Variants in PLD5 observed in about 807,000 individuals in gnomAD.
PLD5 encodes the protein inactive phospholipase D5.
PLD5 carries 36 observed loss-of-function variants against 61.1 expected under a neutral mutation model. The observed-to-expected ratio is 0.59, with a 90% confidence interval of 0.45 to 0.78. The LOEUF (loss-of-function observed/expected upper bound fraction) is 0.78, where lower values mean the gene tolerates loss of function less well. Among genes scored for constraint, PLD5 ranks in the 30% least tolerant of loss-of-function variants. The pLI is 0.00. For missense variants in PLD5, 515 were observed against 644.4 expected, an observed-to-expected ratio of 0.80 and a Z score of 2.17; for synonymous variants, 243 against 242.8, an observed-to-expected ratio of 1.00 and a Z score of -0.01.
chr1:242,405,407 C>T (rs575767876), intron 1 of PLD5, among the ~76,000 whole-genome samples: 3 of 152,132 alleles, frequency 2.0e-5, no homozygotes, highest in African/African-American at 7.2e-5. Flanking sequence ...TGCTGCTCAT[C>T]ATCCTACAAT....
At chr1:242,096,619 A>T (rs1459958019) in intron 9 of PLD5, among the ~76,000 whole-genome samples, 2 of 150,122 alleles carry the variant, frequency 1.3e-5, no homozygotes. Flanking sequence ...TGGGATTACA[A>T]GGGTGAGCCA....
At chr1:242,527,627 C>G (rs1669478950), upstream of PLD5, among the ~76,000 whole-genome samples, 1 of 152,144 alleles carries the variant, frequency 6.6e-6, no homozygotes, top group South Asian at 2.1e-4. Flanking sequence ...TTCAAATAAA[C>G]CTGGGCGCAG....
chr1:242,289,599 C>T (rs542558261), intron 2 of PLD5, among the ~76,000 whole-genome samples: 1 of 152,242 alleles, frequency 6.6e-6, no homozygotes, highest in South Asian at 2.1e-4. Context: ...ATGATCCCCC[C>T]CTGCCTTGGC....
At chr1:242,189,445 C>CA (rs58476673) in intron 5 of PLD5, among the ~76,000 whole-genome samples, 1,327 of 69,862 alleles carry the variant, frequency 0.019, 13 homozygotes, top group East Asian at 0.027. Flanking sequence ...GACTCCATCT[C>CA]AAAAAAAAAA....
At chr1:242,196,542 A>C (rs1347770617) in intron 5 of PLD5, among the ~76,000 whole-genome samples, 1 of 152,226 alleles carries the variant, frequency 6.6e-6, no homozygotes, top group Non-Finnish European at 1.5e-5. Flanking sequence ...CACACACACA[A>C]AATGTATATA....
intron 5 of PLD5, among the ~76,000 whole-genome samples, chr1:242,178,639 G>T (rs192712733): frequency 6.6e-6 from 1 of 152,140 alleles, no homozygotes; most frequent in East Asian, 1.9e-4. Context: ...CTACAAATGC[G>T]TTAATTAACA....
At chr1:242,512,585 TA>T (rs1207005517) in intron 1 of PLD5, among the ~76,000 whole-genome samples, 9 of 152,278 alleles carry the variant, frequency 5.9e-5, no homozygotes, top group African/African-American at 1.9e-4. Flanking sequence ...AGGAAAAATT[TA>T]AAAAGTTAAT....
chr1:242,289,986 T>G (rs1365924621), intron 2 of PLD5, among the ~76,000 whole-genome samples: 3 of 149,850 alleles, frequency 2.0e-5, no homozygotes, highest in Non-Finnish European at 4.4e-5. Flanking sequence ...AGTTTTGGAG[T>G]CCAATCAGCC....
intron 1 of PLD5, chr1:242,377,178 G>C: frequency 6.2e-7 from 1 of 1,611,640 alleles, no homozygotes; most frequent in Non-Finnish European, 8.5e-7. Flanking sequence ...TCTGGAGAGA[G>C]AGACGTGAGA....
At chr1:242,434,233 T>C (rs530032920) in intron 1 of PLD5, among the ~76,000 whole-genome samples, 3 of 152,356 alleles carry the variant, frequency 2.0e-5, no homozygotes, top group African/African-American at 4.8e-5. Context: ...GGTCAGTTTC[T>C]GGATACCTCA....
intron 5 of PLD5, among the ~76,000 whole-genome samples, chr1:242,158,429 G>A (rs2148836239): frequency 6.6e-6 from 1 of 152,182 alleles, no homozygotes; most frequent in Non-Finnish European, 1.5e-5. Context: ...TGAAACCCAG[G>A]GCCCTGGTGG....
At chr1:242,459,704 G>A (rs148820371) in intron 1 of PLD5, among the ~76,000 whole-genome samples, 24 of 152,320 alleles carry the variant, frequency 1.6e-4, no homozygotes, top group African/African-American at 5.1e-4. Context: ...CCAACAGCGC[G>A]TGATGTGCTT....
rs1662304083 is a variant in PLD5, at chr1:242,120,802, C to T, written c.933+3666G>A. On this transcript the variant is annotated intron_variant, in intron 6 of 9. Coordinates refer to ENST00000536534, the MANE Select transcript of PLD5 (RefSeq NM_001372062.1). Reference sequence around the variant, plus strand: ...AGACAGAAACAGCCAACTATTGTTCCCATCCTCCAATTTCAATGGGAAATG... The same window carrying T: ...AGACAGAAACAGCCAACTATTGTTCTCATCCTCCAATTTCAATGGGAAATG... Among the ~76,000 whole-genome samples, 2 of 152,158 alleles carry T rather than the reference C, an allele frequency of 1.3e-5. 1 individual carries two copies.
chr1:242,355,704 A>AT (rs1310612055), intron 1 of PLD5, among the ~76,000 whole-genome samples: 2 of 151,604 alleles, frequency 1.3e-5, no homozygotes, highest in East Asian at 1.9e-4. Flanking sequence ...TATTTGAAAT[A>AT]TTTTTTCTTT....
At chr1:242,475,774 C>A (rs1667578623) in intron 1 of PLD5, among the ~76,000 whole-genome samples, 1 of 152,120 alleles carries the variant, frequency 6.6e-6, no homozygotes, top group East Asian at 1.9e-4. Context: ...GGGTGGGGCC[C>A]TAATCCCATA....
intron 4 of PLD5, among the ~76,000 whole-genome samples, chr1:242,233,649 G>A (rs2149042551): frequency 6.6e-6 from 1 of 152,262 alleles, no homozygotes; most frequent in Non-Finnish European, 1.5e-5. Context: ...CTAGCTAAGT[G>A]GTCCTTCAGA....
intron 6 of PLD5, among the ~76,000 whole-genome samples, chr1:242,120,591 C>T (rs555445651): frequency 6.6e-6 from 1 of 152,328 alleles, no homozygotes; most frequent in African/African-American, 2.4e-5. Context: ...GCATCAAGTT[C>T]TATTTAATGT....
chr1:242,129,206 T>C (rs920092500), intron 5 of PLD5, among the ~76,000 whole-genome samples: 1 of 152,230 alleles, frequency 6.6e-6, no homozygotes, highest in Non-Finnish European at 1.5e-5. Flanking sequence ...CCCTGTCGCA[T>C]AAACTAAGCT....
At chr1:242,177,914 T>G (rs1355121527) in intron 5 of PLD5, 2 of 152,216 alleles carry the variant, frequency 1.3e-5, no homozygotes, top group Admixed American at 1.3e-4. Flanking sequence ...GTGAGTCCGG[T>G]GCAAAGATTC....
Sources: gnomAD v4.1 joint callset for allele counts (sites outside exome capture counted in the v4.1 genomes callset) on GRCh38, gnomAD v4.1.1 for gene constraint, MANE v1.5 for transcripts, NCBI Gene and HGNC (gene_info 2026-07-23, HGNC 2026-07-21) for gene names.